Variants in CBFA2T3 observed in about 807,000 individuals in gnomAD.
The protein encoded by CBFA2T3 is transcriptional corepressor CBFA2T3.
A neutral mutation model predicts 58.6 loss-of-function variants in CBFA2T3; 31 were observed. The observed-to-expected ratio is 0.53, with a 90% CI of 0.40 to 0.71. The LOEUF is 0.71. Among genes scored for constraint, CBFA2T3 ranks in the 30% least tolerant of loss-of-function variants. The probability of loss-of-function intolerance (pLI) is 0.00; values close to 1 mark genes in which losing one functional copy is unlikely to be tolerated. For synonymous variants in CBFA2T3, 531 were observed against 421.9 expected (o/e 1.26, Z -3.17); for missense variants, 1,076 against 963.1 (o/e 1.12, Z -1.55).
chr16:88,910,006 C>T (rs1419738841), intron 1 of CBFA2T3, among the ~76,000 whole-genome samples: 1 of 152,258 alleles, frequency 6.6e-6, no homozygotes, highest in Non-Finnish European at 1.5e-5. Flanking sequence ...GGCGGCTCCC[C>T]AGCTGCTTGG....
chr16:88,892,060 G>T, intron 4 of CBFA2T3, 89 bp from the exon 5 acceptor site: 1 of 1,385,208 alleles, frequency 7.2e-7, no homozygotes, highest in Non-Finnish European at 1.0e-6. Context: ...AGGCTTCCGT[G>T]TTGGAGGCAG....
chr16:88,941,160 G>C, intron 1 of CBFA2T3: 1 of 983,128 alleles, frequency 1.0e-6, no homozygotes, highest in Non-Finnish European at 1.2e-6. Context: ...GCCGCACCGG[G>C]CTCAGGCGCG....
rs1429642585 is a variant in CBFA2T3 at position 88,943,315 on chromosome 16, C to T, written c.151+33342G>A. ...CCTCACCCAGCACCAGCGGCACGTC[C>T]GTGGTCTCGGTTCTCTGGACCGCAG... is the stretch of plus-strand genomic sequence containing the variant. On this transcript the variant is annotated intron_variant, in intron 1 of 11. Coordinates refer to ENST00000268679, the MANE Select transcript of CBFA2T3 (RefSeq NM_005187.6). Among the ~76,000 whole-genome samples, 10 of 152,224 alleles carry T rather than the reference C, an allele frequency of 6.6e-5. 1 individual carries two copies. The East Asian group carries it at 1.9e-3, about 29-fold the overall frequency.
intron 1 of CBFA2T3, among the ~76,000 whole-genome samples, chr16:88,961,847 A>G (rs1341111175): frequency 7.0e-6 from 1 of 142,628 alleles, no homozygotes; most frequent in Admixed American, 6.9e-5. Context: ...AGCGCTGGAC[A>G]TTCCCACTGC....
intron 1 of CBFA2T3, among the ~76,000 whole-genome samples, chr16:88,962,376 G>T (rs150854091): frequency 3.3e-5 from 5 of 152,334 alleles, no homozygotes; most frequent in East Asian, 1.9e-4. Context: ...AACATGAGAC[G>T]CCATGAACCA....
At chr16:88,924,329 C>T (rs888007959) in intron 1 of CBFA2T3, among the ~76,000 whole-genome samples, 1 of 152,234 alleles carries the variant, frequency 6.6e-6, no homozygotes. Context: ...AGTCGCCCTG[C>T]ACAAGCTCCG....
rs75763121 is a variant in CBFA2T3 at position 88,970,849 on chromosome 16, G to A, written c.151+5808C>T. Among the ~76,000 whole-genome samples the A allele has an allele frequency of 0.044, 6,631 of 152,296 alleles. 727 individuals are homozygous for A. The East Asian group carries it at 0.44, about 10-fold the overall frequency. On this transcript the variant is annotated intron_variant, in intron 1 of 11. Coordinates refer to ENST00000268679, the MANE Select transcript of CBFA2T3 (RefSeq NM_005187.6). ...TCTCGTGCAGCCGACGCTGGGGGCC[G>A]GGGGATGAGTAGTACGTAAGGGGGC... is the stretch of plus-strand genomic sequence containing the variant.
intron 1 of CBFA2T3, among the ~76,000 whole-genome samples, chr16:88,927,141 G>A (rs945638570): frequency 2.0e-5 from 3 of 152,216 alleles, no homozygotes; most frequent in Non-Finnish European, 2.9e-5. Context: ...CAGCAGCCCC[G>A]GGCGTACAGC....
At chr16:88,897,974 CG>C in intron 3 of CBFA2T3, 103 bp downstream of exon 3, 2 of 843,444 alleles carry the variant, frequency 2.4e-6, no homozygotes, top group East Asian at 2.4e-5. Context: ...GTGCGGAGGC[CG>C]GGGAGGAGAG....
chr16:88,951,958 G>A (rs149920331), intron 1 of CBFA2T3, among the ~76,000 whole-genome samples: 4 of 152,246 alleles, frequency 2.6e-5, no homozygotes, highest in Non-Finnish European at 4.4e-5. Context: ...TGACGCCTCC[G>A]AGCTGGGTTT....
intron 11 of CBFA2T3, among the ~76,000 whole-genome samples, chr16:88,877,796 G>C (rs1248496239): frequency 6.6e-6 from 1 of 152,196 alleles, no homozygotes; most frequent in African/African-American, 2.4e-5. Flanking sequence ...GAGGGGGTGG[G>C]GGATGCCACA....
intron 1 of CBFA2T3, among the ~76,000 whole-genome samples, chr16:88,923,467 G>T (rs561556918): frequency 6.6e-6 from 1 of 152,210 alleles, no homozygotes; most frequent in African/African-American, 2.4e-5. Context: ...CATGTTACCC[G>T]CCACATCCAC....
At chr16:88,916,383 G>C (rs1052834685) in intron 1 of CBFA2T3, among the ~76,000 whole-genome samples, 4 of 149,458 alleles carry the variant, frequency 2.7e-5, no homozygotes, top group Admixed American at 6.6e-5. Flanking sequence ...CATACATGGG[G>C]GTGTATGTAT....
intron 1 of CBFA2T3, among the ~76,000 whole-genome samples, chr16:88,962,711 C>T (rs765686309): frequency 2.6e-4 from 39 of 152,352 alleles, no homozygotes; most frequent in East Asian, 1.2e-3. Context: ...GTGGTCCTCA[C>T]GGTGCTCGGC....
At chr16:88,919,665 G>A (rs1301353637) in intron 1 of CBFA2T3, among the ~76,000 whole-genome samples, 1 of 152,160 alleles carries the variant, frequency 6.6e-6, no homozygotes, top group Non-Finnish European at 1.5e-5. Context: ...GCCTCTCCGC[G>A]GAGTCCCCGG....
At chr16:88,974,003 C>G (rs1294795478) in intron 1 of CBFA2T3, among the ~76,000 whole-genome samples, 2 of 152,222 alleles carry the variant, frequency 1.3e-5, no homozygotes, top group Non-Finnish European at 2.9e-5. Context: ...CACGTCGTCC[C>G]TCTAAGGTGA....
At chr16:88,910,600 G>T (rs182133688) in intron 1 of CBFA2T3, among the ~76,000 whole-genome samples, 1 of 152,344 alleles carries the variant, frequency 6.6e-6, no homozygotes, top group Admixed American at 6.5e-5. Context: ...GAAGAGCTGT[G>T]GGGTGAGCTG....
At chr16:88,910,911 T>C in intron 1 of CBFA2T3, among the ~76,000 whole-genome samples, 1 of 149,824 alleles carries the variant, frequency 6.7e-6, no homozygotes. Context: ...TCCAGGGCTG[T>C]GCCAAGTGTG....
chr16:88,877,889 A>G (rs1222027908), intron 11 of CBFA2T3, among the ~76,000 whole-genome samples: 3 of 152,204 alleles, frequency 2.0e-5, no homozygotes, highest in African/African-American at 7.2e-5. Flanking sequence ...GATCTCTCAC[A>G]GACGGTTGGG....
Sources: allele counts gnomAD v4.1 joint callset (sites outside exome capture counted in the v4.1 genomes callset), GRCh38; gene constraint gnomAD v4.1.1; transcripts MANE v1.5; gene names NCBI Gene and HGNC (gene_info 2026-07-23, HGNC 2026-07-21).